HS6ST2: variants seen among roughly 807,000 people sequenced by gnomAD.
The protein encoded by HS6ST2 is heparan sulfate 6-O-sulfotransferase 2, also known as heparan-sulfate 6-O-sulfotransferase 2.
A neutral mutation model predicts 33.0 loss-of-function variants in HS6ST2; 17 were observed. The observed-to-expected ratio is 0.52, with a 90% CI of 0.35 to 0.77. The LOEUF (loss-of-function observed/expected upper bound fraction) is 0.77. HS6ST2 is among the 30% of genes least tolerant of loss of function. HS6ST2 has a pLI of 0.01. For synonymous variants in HS6ST2, 248 were observed against 237.1 expected (o/e 1.05, Z -0.42); for missense variants, 519 against 551.7 (o/e 0.94, Z 0.59).
intron 2 of HS6ST2, among the ~76,000 whole-genome samples, chrX:132,720,692 A>G (rs1412035065): frequency 9.1e-6 from 1 of 110,210 alleles, no homozygotes; most frequent in African/African-American, 3.3e-5. Flanking sequence ...TTGCACTTAT[A>G]AAGACACAAA....
chrX:132,870,266 G>A (rs1277938425), intron 2 of HS6ST2, among the ~76,000 whole-genome samples: 1 of 111,650 alleles, frequency 9.0e-6, no homozygotes. Flanking sequence ...GGAAATAAGA[G>A]AGGACACAAA....
At chrX:132,925,752 C>T (rs961598984) in intron 2 of HS6ST2, among the ~76,000 whole-genome samples, 14 of 111,912 alleles carry the variant, frequency 1.3e-4, no homozygotes, top group Non-Finnish European at 2.1e-4. Context: ...AAGAATCTTA[C>T]AATTTTTCTA....
intron 2 of HS6ST2, among the ~76,000 whole-genome samples, chrX:132,875,292 T>C (rs750399242): frequency 9.0e-6 from 1 of 111,334 alleles, no homozygotes; most frequent in Non-Finnish European, 1.9e-5. Flanking sequence ...ATTTTAAACA[T>C]GGGAGTTTAA....
chrX:132,779,426 C>T (rs1432648009), intron 2 of HS6ST2, among the ~76,000 whole-genome samples: 2 of 111,447 alleles, frequency 1.8e-5, no homozygotes, highest in Non-Finnish European at 3.8e-5. Flanking sequence ...AAGTAAAATG[C>T]CTGAAAGAGT....
intron 2 of HS6ST2, among the ~76,000 whole-genome samples, chrX:132,772,488 T>C (rs2148322285): frequency 9.3e-6 from 1 of 107,512 alleles, no homozygotes; most frequent in South Asian, 3.8e-4. Context: ...CTTTCACACT[T>C]GTTAATATAT....
intron 2 of HS6ST2, among the ~76,000 whole-genome samples, chrX:132,862,962 G>C (rs2065927201): frequency 8.9e-6 from 1 of 112,219 alleles, no homozygotes; most frequent in African/African-American, 3.2e-5. Flanking sequence ...TGAGGAAGCT[G>C]AGGAAATTCA....
chrX:132,845,774 C>T (rs756826313), intron 2 of HS6ST2, among the ~76,000 whole-genome samples: 53 of 111,274 alleles, frequency 4.8e-4, no homozygotes, highest in African/African-American at 1.6e-3. Context: ...CAAAAGCCCT[C>T]GGTGCCTTCC....
chrX:132,785,857 G>A (rs898374820), intron 2 of HS6ST2, among the ~76,000 whole-genome samples: 4 of 111,570 alleles, frequency 3.6e-5, no homozygotes, highest in African/African-American at 9.8e-5. Flanking sequence ...GAGCACCGTC[G>A]AGTTCTGGTT....
At chrX:132,787,187 A>G (rs2065073174) in intron 2 of HS6ST2, among the ~76,000 whole-genome samples, 1 of 71,935 alleles carries the variant, frequency 1.4e-5, no homozygotes, top group Non-Finnish European at 2.3e-5. Context: ...ATATATATAT[A>G]CATATATATA....
intron 2 of HS6ST2, among the ~76,000 whole-genome samples, chrX:132,892,864 GTGTATAA>G (rs2066330725): frequency 8.9e-6 from 1 of 111,794 alleles, no homozygotes; most frequent in Non-Finnish European, 1.9e-5. Context: ...CAAAGTATTT[GTGTATAA>G]CCTCTACACA....
intron 2 of HS6ST2, among the ~76,000 whole-genome samples, chrX:132,902,870 A>G (rs372143713): frequency 9.4e-6 from 1 of 106,357 alleles, no homozygotes; most frequent in South Asian, 4.2e-4. Context: ...AAAGAATGAT[A>G]CTTTCCCCTT....
intron 2 of HS6ST2, among the ~76,000 whole-genome samples, chrX:132,888,769 G>A (rs982118556): frequency 5.4e-5 from 6 of 111,296 alleles, no homozygotes; most frequent in Non-Finnish European, 1.1e-4. Context: ...CTCCCAAAGC[G>A]CTGGGATTAC....
At chrX:132,682,361 G>C (rs2063977963) in intron 3 of HS6ST2, among the ~76,000 whole-genome samples, 1 of 112,081 alleles carries the variant, frequency 8.9e-6, no homozygotes, top group Non-Finnish European at 1.9e-5. Context: ...TGGGGAAGTA[G>C]ACCAGACCTT....
intron 2 of HS6ST2, among the ~76,000 whole-genome samples, chrX:132,799,714 T>G (rs1317579049): frequency 9.0e-6 from 1 of 111,014 alleles, no homozygotes; most frequent in Non-Finnish European, 1.9e-5. Context: ...AATCTACTTC[T>G]GCCACAGAAT....
intron 2 of HS6ST2, among the ~76,000 whole-genome samples, chrX:132,874,823 G>A (rs956247846): frequency 9.0e-6 from 1 of 111,336 alleles, no homozygotes; most frequent in African/African-American, 3.3e-5. Context: ...ACAACATCTG[G>A]CCCAAGATGA....
intron 3 of HS6ST2, among the ~76,000 whole-genome samples, chrX:132,678,278 C>G (rs1261216738): frequency 8.9e-6 from 1 of 111,937 alleles, no homozygotes; most frequent in African/African-American, 3.3e-5. Flanking sequence ...ATGGCTGGAG[C>G]CTGGGAAGTC....
At chrX:132,722,061 G>T (rs1413614999) in intron 2 of HS6ST2, among the ~76,000 whole-genome samples, 1 of 108,456 alleles carries the variant, frequency 9.2e-6, no homozygotes, top group African/African-American at 3.3e-5. Context: ...GTTGGCGGGC[G>T]CCTGTAGTCC....
chrX:132,693,388 C>T (rs2064081446), intron 3 of HS6ST2, among the ~76,000 whole-genome samples: 1 of 111,742 alleles, frequency 8.9e-6, no homozygotes, highest in Non-Finnish European at 1.9e-5. Context: ...GCAGGATTTA[C>T]TAGTGGTGTC....
chrX:132,658,137 C>T (rs1189172779), intron 4 of HS6ST2, among the ~76,000 whole-genome samples: 1 of 110,991 alleles, frequency 9.0e-6, no homozygotes, highest in Non-Finnish European at 1.9e-5. Flanking sequence ...ATTACCTTGG[C>T]TCAGCTCCAC....
Sources: gnomAD v4.1 joint callset for allele counts (sites outside exome capture counted in the v4.1 genomes callset) on GRCh38, gnomAD v4.1.1 for gene constraint, MANE v1.5 for transcripts, NCBI Gene and HGNC (gene_info 2026-07-23, HGNC 2026-07-21) for gene names.